CCDC171: variants seen among roughly 807,000 people sequenced by gnomAD.
CCDC171 encodes the protein coiled-coil domain containing 171, also known as coiled-coil domain-containing protein 171.
Under a neutral mutation model 168.2 loss-of-function variants are expected in CCDC171, and 177 were observed. The ratio of observed to expected loss-of-function variants is 1.05; its 90% confidence interval spans 0.93 to 1.19. The LOEUF (loss-of-function observed/expected upper bound fraction) is 1.19. Ranked by LOEUF, CCDC171 falls within the 50% of genes most tolerant of loss-of-function variation. CCDC171 has a pLI of 0.00. For synonymous variants in CCDC171, 687 were observed against 540.8 expected (o/e 1.27, Z -3.75); for missense variants, 1,991 against 1,539.0 (o/e 1.29, Z -4.91).
chr9:15,848,697 G>A (rs997165828), intron 22 of CCDC171, among the ~76,000 whole-genome samples, 196 bp from the exon 23 acceptor site: 14 of 151,268 alleles, frequency 9.3e-5, no homozygotes, highest in African/African-American at 3.4e-4. Flanking sequence ...AGTGAATATG[G>A]TTAGTTTTTA....
At chr9:16,055,927 T>C (rs1833831688) in intron 1 of CCDC171, among the ~76,000 whole-genome samples, 1 of 152,234 alleles carries the variant, frequency 6.6e-6, no homozygotes, top group Non-Finnish European at 1.5e-5. Flanking sequence ...TTAAGAAAAA[T>C]TCAAACGTGT....
At chr9:15,999,145 AG>A (rs1832457490) in intron 3 of CCDC171, among the ~76,000 whole-genome samples, 1 of 151,592 alleles carries the variant, frequency 6.6e-6, no homozygotes, top group Non-Finnish European at 1.5e-5. Context: ...CAAGAGTTTG[AG>A]GCTGCCATGA....
At chr9:15,729,423 T>C (rs1432479727) in intron 15 of CCDC171, among the ~76,000 whole-genome samples, 187 bp from the exon 16 acceptor site, 1 of 152,174 alleles carries the variant, frequency 6.6e-6, no homozygotes, top group Non-Finnish European at 1.5e-5. Context: ...AATTTTCTGC[T>C]AACGTGTGGC....
At chr9:15,929,295 A>G (rs184855918) in intron 25 of CCDC171, among the ~76,000 whole-genome samples, 2 of 151,872 alleles carry the variant, frequency 1.3e-5, no homozygotes, top group East Asian at 3.9e-4. Flanking sequence ...CAACAACTAA[A>G]TATGCTTCTG....
intron 21 of CCDC171, among the ~76,000 whole-genome samples, chr9:15,801,547 C>G (rs1234595594): frequency 6.6e-6 from 1 of 151,972 alleles, no homozygotes; most frequent in African/African-American, 2.4e-5. Context: ...AATATAAGAT[C>G]ATATCATCTG....
chr9:15,801,187 G>C (rs1414711067), intron 21 of CCDC171, among the ~76,000 whole-genome samples: 1 of 151,742 alleles, frequency 6.6e-6, no homozygotes, highest in Non-Finnish European at 1.5e-5. Flanking sequence ...CATTGAATTT[G>C]TAGATTCCTT....
intron 1 of CCDC171, among the ~76,000 whole-genome samples, chr9:16,050,523 A>C (rs1317836729): frequency 1.3e-5 from 2 of 152,194 alleles, no homozygotes; most frequent in African/African-American, 4.8e-5. Context: ...CCCTGTGCAC[A>C]CAGTGCCAGT....
intron 25 of CCDC171, among the ~76,000 whole-genome samples, chr9:15,932,878 A>G (rs1826693946): frequency 6.6e-6 from 1 of 151,932 alleles, no homozygotes; most frequent in Admixed American, 6.6e-5. Context: ...CTTTATGTTA[A>G]TGTGGTATAT....
intron 1 of CCDC171, among the ~76,000 whole-genome samples, chr9:16,054,201 GC>G (rs1833797117): frequency 6.6e-6 from 1 of 152,164 alleles, no homozygotes. Flanking sequence ...GAAGGGAGTT[GC>G]CCATTCAGGG....
intron 21 of CCDC171, among the ~76,000 whole-genome samples, chr9:15,789,180 A>T (rs1024592235): frequency 2.6e-5 from 4 of 152,156 alleles, no homozygotes; most frequent in Non-Finnish European, 5.9e-5. Context: ...TTGAGCACTG[A>T]CATGACACTC....
At chr9:16,064,020 T>G (rs1011249057), downstream of CCDC171, among the ~76,000 whole-genome samples, 1 of 152,202 alleles carries the variant, frequency 6.6e-6, no homozygotes, top group Non-Finnish European at 1.5e-5. Flanking sequence ...CCAGAAATCC[T>G]TTTTCCACAG....
At chr9:15,904,663 A>T (rs1276729950) in intron 24 of CCDC171, among the ~76,000 whole-genome samples, 1 of 152,206 alleles carries the variant, frequency 6.6e-6, no homozygotes, top group Non-Finnish European at 1.5e-5. Flanking sequence ...TCAAATTCAC[A>T]CATAACAATA....
chr9:15,897,544 G>C (rs766298042), intron 24 of CCDC171, among the ~76,000 whole-genome samples: 6 of 151,994 alleles, frequency 3.9e-5, no homozygotes, highest in Non-Finnish European at 8.8e-5. Flanking sequence ...TCTTTTATTT[G>C]AAATATTTAT....
chr9:15,953,464 A>G (rs923171100), intron 25 of CCDC171, among the ~76,000 whole-genome samples: 1 of 152,164 alleles, frequency 6.6e-6, no homozygotes, highest in Non-Finnish European at 1.5e-5. Context: ...TCATTCTGTT[A>G]CTGTGGTGTA....
Position 15,744,752 on chromosome 9 carries a change from G to A in CCDC171, c.2529G>A (p.Glu843=), listed in dbSNP as rs938415197. ...EGIGMLVCTG[E]PQDKHKFPKH... ...TAGGCATGTTAGTGTGCACAGGAGAGCCCCAAGACAAGCATAAATTTCCAA... is the reference window on the plus strand; with the variant it reads ...TAGGCATGTTAGTGTGCACAGGAGAACCCCAAGACAAGCATAAATTTCCAA... Residue 843 remains glutamate (E), a synonymous_variant, in exon 17 of 26, where the codon GAG becomes GAA. Coordinates refer to ENST00000380701, the MANE Select transcript of CCDC171 (RefSeq NM_173550.4). The A allele has an allele frequency of 1.2e-6, 2 of 1,607,696 alleles. No individual in the cohort carries two copies. The highest frequency in any genetic ancestry group is 2.7e-5 in the African/African-American group (2 of 74,556).
intron 7 of CCDC171, among the ~76,000 whole-genome samples, chr9:15,641,036 C>A (rs2046566049): frequency 6.6e-6 from 1 of 151,924 alleles, no homozygotes; most frequent in Admixed American, 6.6e-5. Context: ...TTAAAATAAG[C>A]ATCGTAGAAT....
At chr9:15,992,107 C>T (rs1463521805) in intron 3 of CCDC171, among the ~76,000 whole-genome samples, 13 of 152,154 alleles carry the variant, frequency 8.5e-5, no homozygotes, top group Non-Finnish European at 1.9e-4. Flanking sequence ...GATACCAAAG[C>T]CTGGCAGAGA....
chr9:16,062,054 A>T (rs1833938294), downstream of CCDC171, among the ~76,000 whole-genome samples: 1 of 152,200 alleles, frequency 6.6e-6, no homozygotes, highest in African/African-American at 2.4e-5. Flanking sequence ...TCATTTTAAC[A>T]ATCCACTCTT....
chr9:15,906,549 A>G (rs1412570587), intron 24 of CCDC171, among the ~76,000 whole-genome samples: 2 of 152,232 alleles, frequency 1.3e-5, no homozygotes, highest in East Asian at 1.9e-4. Flanking sequence ...ATCTATGACA[A>G]ACCCACAGCC....
Sources: allele counts gnomAD v4.1 joint callset (sites outside exome capture counted in the v4.1 genomes callset), GRCh38; gene constraint gnomAD v4.1.1; transcripts MANE v1.5; gene names NCBI Gene and HGNC (gene_info 2026-07-23, HGNC 2026-07-21).